The following CYGB variants were observed in gnomAD, a reference collection of about 807,000 sequenced individuals.
CYGB encodes the protein histoglobin.
In CYGB, 13 loss-of-function variants were observed where a neutral mutation model predicts 20.7. That is an observed-to-expected ratio of 0.63 (90% CI 0.41 to 1.00). CYGB has a LOEUF of 1.00. Ranked by LOEUF, CYGB falls within the 50% of genes least tolerant of loss-of-function variation. The pLI, the probability that CYGB is intolerant of heterozygous loss-of-function variation, is 0.00. For missense variants in CYGB, 218 were observed against 257.2 expected (o/e 0.85, Z 1.04); for synonymous variants, 93 against 107.4 (o/e 0.87, Z 0.83).
upstream of CYGB, chr17:76,540,250 T>TGGGGGGGGGG: frequency 4.3e-6 from 2 of 463,680 alleles, no homozygotes; most frequent in East Asian, 4.2e-5. This position sits in a 1 kb window ranked among gnomAD's most constrained non-coding sequence, Gnocchi z 5.0. Flanking sequence ...TGGCGGTTGG[T>TGGGGGGGGGG]CGGGGGGGGG....
chr17:76,536,864 G>T (rs62086575), intron 1 of CYGB, among the ~76,000 whole-genome samples: 24,274 of 152,174 alleles, frequency 0.16, 2,417 homozygotes, highest in East Asian at 0.36. Flanking sequence ...CAGCGGGAAG[G>T]GGGCAGCTGG....
upstream of CYGB, among the ~76,000 whole-genome samples, chr17:76,542,114 G>T (rs922489619): frequency 1.3e-5 from 2 of 152,214 alleles, no homozygotes; most frequent in Non-Finnish European, 2.9e-5. Flanking sequence ...GCTTGCTCCA[G>T]ATCATCTATC....
chr17:76,544,601 G>C (rs886869694), intron 1 of CYGB: 3 of 456,628 alleles, frequency 6.6e-6, no homozygotes, highest in Admixed American at 2.3e-5. Context: ...GACCCAGGCC[G>C]TGAGCCCGTG....
chr17:76,540,622 T>C, upstream of CYGB: 1 of 1,579,774 alleles, frequency 6.3e-7, no homozygotes, highest in South Asian at 1.1e-5. The surrounding 1 kb of genome is among the most constrained non-coding windows in gnomAD (Gnocchi z 5.0). Context: ...CCAAGGAAGC[T>C]GTGGCTGTGC....
intron 3 of CYGB, chr17:76,529,594 T>C: frequency 1.0e-6 from 1 of 985,314 alleles, no homozygotes; most frequent in Non-Finnish European, 1.2e-6. Context: ...AAGTCTTGTG[T>C]CCTGGCTGTA....
At chr17:76,540,876 G>A (rs905071650), upstream of CYGB, among the ~76,000 whole-genome samples, 11 of 152,228 alleles carry the variant, frequency 7.2e-5, no homozygotes, top group Non-Finnish European at 7.3e-5. The surrounding 1 kb of genome is among the most constrained non-coding windows in gnomAD (Gnocchi z 5.0). Context: ...AAGGAGGGAT[G>A]AGGCAGGAGT....
At chr17:76,535,674 G>T (rs1453463229) in intron 1 of CYGB, among the ~76,000 whole-genome samples, 1 of 152,186 alleles carries the variant, frequency 6.6e-6, no homozygotes, top group East Asian at 1.9e-4. Flanking sequence ...TGGGGAACTG[G>T]AAGAGGGGTG....
At position 76,544,153 on chromosome 17, in the gene CYGB, C is replaced by T. The variant is rs1184472354; in HGVS notation, c.-53+6709G>A. On this transcript the variant is annotated intron_variant, in intron 1 of 3. Coordinates refer to the CYGB transcript ENST00000589145. ...CAGATCCAGGAGCAGACCCTGCAGG[C>T]AGCTGCTCCTGATGTCTCACAGCTA... The T allele has an allele frequency of 1.8e-5, 8 of 454,508 alleles. No homozygotes were observed. The East Asian group carries it at 4.9e-4, about 28-fold the overall frequency. The allele number at this position is 454,508 out of a possible 1,614,324, so 28.2% of individuals were successfully genotyped here. A position where few individuals can be genotyped will look rare whatever the true frequency, so the allele number is the denominator to read the frequency against.
rs2074797475 is a variant in CYGB at position 76,528,789 on chromosome 17, T to C, written c.540-178A>G. 2 of 1,026,694 alleles carry C rather than the reference T, an allele frequency of 1.9e-6. No homozygotes were observed. The highest frequency in any genetic ancestry group is 2.5e-6 in the Non-Finnish European group (2 of 796,178). 63.6% of individuals were successfully genotyped at this position (1,026,694 alleles called of 1,614,324 possible). Reference sequence around the variant, plus strand: ...AGTCTCCGTCCTGCTACGAACGTGCTGTGTGATCTCAGGCAAGTCTACTGG... The same window carrying C: ...AGTCTCCGTCCTGCTACGAACGTGCCGTGTGATCTCAGGCAAGTCTACTGG... On this transcript the variant is annotated intron_variant, in intron 3 of 3. Coordinates refer to ENST00000293230, the MANE Select transcript of CYGB (RefSeq NM_134268.5). This position sits in a 1 kb window ranked among gnomAD's most constrained non-coding sequence, Gnocchi z 5.8.
Position 76,537,421 on chromosome 17 carries a change from A to C in CYGB, c.122T>G (p.Val41Gly). 6.3e-7 allele frequency: 1 copy of C among 1,597,604 alleles called. No individual in the cohort carries two copies. The highest frequency in any genetic ancestry group is 8.5e-7 in the Non-Finnish European group (1 of 1,172,458). The change falls in exon 1 of 4, where the codon GTG becomes GGG. Residue 41 changes from valine (V) to glycine (G), a missense_variant. Physicochemically the swap from Val to Gly is moderately radical, Grantham distance 109 (BLOSUM62 -3). Transcript: ENST00000293230. The part of the protein sequence containing the change: ...WARLYANCED[V>G]GVAILVRFFV... The stretch of plus-strand genomic sequence containing the variant: ...CTACCTCACCAGGATGGCCACCCCC[A>C]CGTCCTCGCAGTTGGCATAGAGCCG...
At position 76,531,359 on chromosome 17, in the gene CYGB, G is replaced by T; in HGVS notation, c.375+101C>A. 7.0e-7 allele frequency: 1 copy of T among 1,427,400 alleles called. No homozygotes were observed. The highest frequency in any genetic ancestry group is 1.3e-5 in the South Asian group (1 of 76,066). The allele number at this position is 1,427,400 out of a possible 1,614,324, so 88.4% of individuals were successfully genotyped here. ...CCCTCCCTCTCGCAGCCACTCCGGGGATCACCTCTGTTGCTCCAGAGAGCC... is the reference window on the plus strand; with the variant it reads ...CCCTCCCTCTCGCAGCCACTCCGGGTATCACCTCTGTTGCTCCAGAGAGCC... On this transcript the variant is annotated intron_variant, in intron 2 of 3. Coordinates refer to ENST00000293230, the MANE Select transcript of CYGB (RefSeq NM_134268.5). This position sits in a 1 kb window ranked among gnomAD's most constrained non-coding sequence, Gnocchi z 7.4.
At position 76,531,778 on chromosome 17, in the gene CYGB, G is replaced by A. The variant is rs1001193039; in HGVS notation, c.144-87C>T. On this transcript the variant is annotated intron_variant, in intron 1 of 3. Transcript: ENST00000293230. The surrounding 1 kb of genome is among the most constrained non-coding windows in gnomAD (Gnocchi z 7.4). ...TTCCAGGATAGTGGGGGCTGAAGAA[G>A]TGGACCGCAGTGCTCCCCACCCCCG... 5.5e-5 allele frequency: 59 copies of A among 1,078,174 alleles called. No individual in the cohort carries two copies. In the South Asian group the frequency reaches 8.9e-4, roughly 16 times the overall value. The allele number at this position is 1,078,174 out of a possible 1,614,324, so 66.8% of individuals were successfully genotyped here.
upstream of CYGB, chr17:76,540,114 G>A (rs756245857): frequency 1.9e-6 from 3 of 1,588,454 alleles, no homozygotes; most frequent in East Asian, 2.3e-5. This position sits in a 1 kb window ranked among gnomAD's most constrained non-coding sequence, Gnocchi z 5.0. Flanking sequence ...TGCAGACTTG[G>A]CCTGGGAGGG....
chr17:76,538,351 C>T (rs972213145), upstream of CYGB: 1 of 340,142 alleles, frequency 2.9e-6, no homozygotes, highest in Admixed American at 3.6e-5. Flanking sequence ...CCCCTGCCCG[C>T]CCACCGCCCC....
At chr17:76,540,686 T>C, upstream of CYGB, 1 of 1,073,602 alleles carries the variant, frequency 9.3e-7, no homozygotes, top group Non-Finnish European at 1.4e-6. The surrounding 1 kb of genome is among the most constrained non-coding windows in gnomAD (Gnocchi z 5.0). Flanking sequence ...CACCGTATCC[T>C]GGCCCTTGCC....
At chr17:76,540,649 G>C, upstream of CYGB, 4 of 1,398,336 alleles carry the variant, frequency 2.9e-6, no homozygotes, top group South Asian at 1.2e-5. This position sits in a 1 kb window ranked among gnomAD's most constrained non-coding sequence, Gnocchi z 5.0. Context: ...GGGGGTGCAC[G>C]TGTGTGCCTG....
intron 1 of CYGB, chr17:76,544,073 T>C (rs2075025002): frequency 2.2e-6 from 1 of 454,650 alleles, no homozygotes; most frequent in Non-Finnish European, 4.4e-6. Flanking sequence ...ATTTCTCTCT[T>C]TTCAATCCTG....
Position 76,531,539 on chromosome 17 carries a change from G to T in CYGB, c.296C>A (p.Pro99His). Residue 99 changes from proline to histidine, a missense_variant, in exon 2 of 4, where the codon CCC (proline) becomes CAC (histidine). By Grantham distance (77) the Pro-to-His change is moderately conservative. Around this residue, in one of 2 missense-constraint regions of CYGB, gnomAD observed 152 missense variants for 149.9 expected, o/e 1.01. Transcript: ENST00000293230. This position sits in a 1 kb window ranked among gnomAD's most constrained non-coding sequence, Gnocchi z 7.4. ...LNTVVENLHD[P>H]DKVSSVLALV... is the part of the protein sequence containing the mutation. ...GGCGAGCACAGAGGACACCTTGTCG[G>T]GGTCATGCAGGTTCTCCACGACAGT... 1 of 1,614,152 alleles carries T rather than the reference G, an allele frequency of 6.2e-7. No individual in the cohort carries two copies. Among genetic ancestry groups the T allele is most frequent in the Non-Finnish European group, 8.5e-7 (1 of 1,179,976 alleles).
At chr17:76,536,887 C>T (rs1177612576) in intron 1 of CYGB, among the ~76,000 whole-genome samples, 1 of 152,180 alleles carries the variant, frequency 6.6e-6, no homozygotes, top group South Asian at 2.1e-4. Context: ...ACACTGGACC[C>T]CCCGGGCTCT....
Sources: gnomAD v4.1 joint callset for allele counts (sites outside exome capture counted in the v4.1 genomes callset) on GRCh38, gnomAD v4.1.1 for gene constraint, gnomAD v4.1.1 regional missense constraint, Gnocchi (gnomAD v3.1) non-coding constraint, MANE v1.5 for transcripts, NCBI Gene and HGNC (gene_info 2026-07-23, HGNC 2026-07-21) for gene names.